The following LRRC66 variants were observed in gnomAD, a reference collection of about 807,000 sequenced individuals.
LRRC66 encodes leucine-rich repeat-containing protein 66.
A neutral mutation model predicts 24.6 loss-of-function variants in LRRC66; 29 were observed. That is an observed-to-expected ratio of 1.18 (90% confidence interval 0.88 to 1.61). The LOEUF is 1.61. Ranked by LOEUF, LRRC66 falls within the 40% of genes most tolerant of loss-of-function variation. LRRC66 has a pLI of 0.00. For synonymous variants in LRRC66, 411 were observed against 397.6 expected, an observed-to-expected ratio of 1.03 and a Z score of -0.40; for missense variants, 1,124 against 1,058.0, an observed-to-expected ratio of 1.06 and a Z score of -0.87.
chr4:52,000,390 C>A (rs1736421418), intron 3 of LRRC66, among the ~76,000 whole-genome samples: 3 of 152,204 alleles, frequency 2.0e-5, no homozygotes, highest in Admixed American at 2.0e-4. Context: ...ACCTTTTCAT[C>A]TGTCCTCATG....
At chr4:52,010,127 G>C (rs965383977) in intron 2 of LRRC66, among the ~76,000 whole-genome samples, 2 of 152,078 alleles carry the variant, frequency 1.3e-5, no homozygotes, top group African/African-American at 4.8e-5. Context: ...GGCAAACTGG[G>C]AATAGAGAGA....
intron 2 of LRRC66, among the ~76,000 whole-genome samples, chr4:52,008,122 G>T (rs1408314068): frequency 6.6e-6 from 1 of 152,174 alleles, no homozygotes; most frequent in Non-Finnish European, 1.5e-5. Flanking sequence ...CTGCTAGGAT[G>T]AAGATGAGGA....
In LRRC66 at chr4:51,994,221, A is replaced by T; in HGVS notation, c.*158T>A. ...TAACCCTTCTAGAATCATCGCCCTC[A>T]AGTGGGCCCACAAAACCCTCATTTG... On this transcript the variant is annotated 3_prime_UTR_variant, in exon 5 of 5. Transcript: ENST00000682860. 2 of 671,620 alleles carry T rather than the reference A, an allele frequency of 3.0e-6. No homozygotes were observed. Among genetic ancestry groups the T allele is most frequent in the Non-Finnish European group, 4.9e-6 (2 of 404,764 alleles). The allele number at this position is 671,620 out of a possible 1,614,324, so 41.6% of individuals were successfully genotyped here. A position where few individuals can be genotyped will look rare whatever the true frequency, so the allele number is the denominator to read the frequency against.
intron 3 of LRRC66, among the ~76,000 whole-genome samples, chr4:51,999,458 G>A (rs1429109726): frequency 6.6e-6 from 1 of 152,118 alleles, no homozygotes; most frequent in Non-Finnish European, 1.5e-5. Flanking sequence ...ACTCTCAAAG[G>A]AAGGTTGCCA....
At chr4:52,001,270 G>A (rs1736442072) in intron 3 of LRRC66, among the ~76,000 whole-genome samples, 1 of 152,170 alleles carries the variant, frequency 6.6e-6, no homozygotes, top group African/African-American at 2.4e-5. Flanking sequence ...CCCAGGGAAG[G>A]AATCCTTGAG....
At chr4:51,998,134 T>A (rs1736366750) in intron 3 of LRRC66, among the ~76,000 whole-genome samples, 197 bp from the exon 4 acceptor site, 1 of 152,234 alleles carries the variant, frequency 6.6e-6, no homozygotes, top group Admixed American at 6.5e-5. Flanking sequence ...GATAAATTGT[T>A]CACTTTCTAT....
intron 2 of LRRC66, among the ~76,000 whole-genome samples, chr4:52,014,188 G>A (rs2110202804): frequency 6.6e-6 from 1 of 152,310 alleles, no homozygotes; most frequent in South Asian, 2.1e-4. Context: ...GGAGGCGGAG[G>A]TTGCGGGGAG....
rs886702260 is a variant in LRRC66, at chr4:51,994,839, G to A, written c.2183C>T (p.Ala728Val). ...SESARSKTEEAVPDEESLQDE... is the reference protein window; with the variant it reads ...SESARSKTEEVVPDEESLQDE... ...CTGCAGGGACTCCTCATCAGGCACTGCCTCTTCAGTCTTGCTCCTTGCACT... is the reference window on the plus strand; with the variant it reads ...CTGCAGGGACTCCTCATCAGGCACTACCTCTTCAGTCTTGCTCCTTGCACT... The change falls in exon 5 of 5, where the codon GCA (alanine) becomes GTA (valine). Residue 728 changes from alanine (A) to valine (V), a missense_variant. Physicochemically the swap from Ala to Val is moderately conservative, Grantham distance 64 (BLOSUM62 0). Coordinates refer to ENST00000682860, the MANE Select transcript of LRRC66 (RefSeq NM_001024611.3). 6.2e-7 allele frequency: 1 copy of A among 1,614,070 alleles called. No homozygotes were observed. Among genetic ancestry groups the A allele is most frequent in the African/African-American group, 1.3e-5 (1 of 74,932 alleles).
chr4:52,003,123 G>A, intron 3 of LRRC66, 100 bp downstream of exon 3: 1 of 888,576 alleles, frequency 1.1e-6, no homozygotes, highest in Non-Finnish European at 1.7e-6. Flanking sequence ...TTAATAGCCA[G>A]TACTACTGGA....
rs375558427 is a variant in LRRC66 at position 51,998,076 on chromosome 4, AG to A, written c.667-140del. The A allele has an allele frequency of 2.1e-5, 15 of 731,584 alleles. No individual in the cohort carries two copies. The African/African-American group carries it at 2.7e-4, about 13-fold the overall frequency. The allele number at this position is 731,584 out of a possible 1,614,324, so 45.3% of individuals were successfully genotyped here. A position where few individuals can be genotyped will look rare whatever the true frequency, so the allele number is the denominator to read the frequency against. On this transcript the variant is annotated intron_variant, in intron 3 of 4. Coordinates refer to ENST00000682860, the MANE Select transcript of LRRC66 (RefSeq NM_001024611.3). ...ACACTGGTTTACAAGTCAGGGAATTAGTGGGGTTTTAAGTCTCTGTTCTACC... is the reference window on the plus strand; with the variant it reads ...ACACTGGTTTACAAGTCAGGGAATTATGGGGTTTTAAGTCTCTGTTCTACC...
At chr4:52,006,959 C>A (rs970601191) in intron 2 of LRRC66, among the ~76,000 whole-genome samples, 1 of 152,070 alleles carries the variant, frequency 6.6e-6, no homozygotes, top group Non-Finnish European at 1.5e-5. Context: ...AAACCTAGAT[C>A]TCTTAATCAT....
intron 1 of LRRC66, chr4:52,018,012 C>T: frequency 2.0e-6 from 2 of 985,412 alleles, no homozygotes; most frequent in Non-Finnish European, 2.4e-6. Flanking sequence ...TTATGCTTAT[C>T]TACAACATAG....
rs765099185 is a variant in LRRC66, at chr4:51,995,554, G to C, written c.1468C>G (p.Gln490Glu). The change falls in exon 5 of 5, where the codon CAG becomes GAG. Residue 490 changes from glutamine (Q) to glutamate (E), a missense_variant. Transcript: ENST00000682860. ...CCTGCCCCGGTGTTGTCCCCGCACTGTCCTGGGCTCTGCGAACTGCCAGGA... is the reference window on the plus strand; with the variant it reads ...CCTGCCCCGGTGTTGTCCCCGCACTCTCCTGGGCTCTGCGAACTGCCAGGA... ...KDPGSSQSPG[Q>E]CGDNTGAGSG... 1 of 1,614,188 alleles carries C rather than the reference G, an allele frequency of 6.2e-7. No individual in the cohort carries two copies. The highest frequency in any genetic ancestry group is 1.1e-5 in the South Asian group (1 of 91,070).
intron 4 of LRRC66, among the ~76,000 whole-genome samples, 177 bp from the exon 5 acceptor site, chr4:51,996,342 G>C (rs906401508): frequency 1.3e-5 from 2 of 152,074 alleles, no homozygotes; most frequent in African/African-American, 4.8e-5. Flanking sequence ...AGACTCCTGG[G>C]CTCAAGTGAT....
chr4:52,018,855 G>T (rs1736878850), intron 1 of LRRC66, among the ~76,000 whole-genome samples: 1 of 152,138 alleles, frequency 6.6e-6, no homozygotes, highest in Non-Finnish European at 1.5e-5. Context: ...TTCATTCCCA[G>T]TTCCAAGTTC....
chr4:52,009,768 A>C (rs976094911), intron 2 of LRRC66, among the ~76,000 whole-genome samples: 1 of 152,204 alleles, frequency 6.6e-6, no homozygotes, highest in African/African-American at 2.4e-5. Context: ...CATTTATGGA[A>C]GAAACAAAGC....
chr4:51,997,839 GTTA>G lies in LRRC66; in HGVS notation c.762_764del (p.Asn255del), dbSNP rs1216824551. 1 of 1,614,044 alleles carries G rather than the reference GTTA, an allele frequency of 6.2e-7. No individual in the cohort carries two copies. Among genetic ancestry groups the G allele is most frequent in the South Asian group, 1.1e-5 (1 of 91,072 alleles). On this transcript the variant is annotated inframe_deletion, in exon 4 of 5. Coordinates refer to ENST00000682860, the MANE Select transcript of LRRC66 (RefSeq NM_001024611.3). ...CTGCCACACTATCATCACACTGCCA[GTTA>G]TTATCAGCCAAGTCAACCACTAGAT...
intron 2 of LRRC66, among the ~76,000 whole-genome samples, chr4:52,013,329 C>T (rs534946728): frequency 6.6e-6 from 1 of 152,232 alleles, no homozygotes; most frequent in Non-Finnish European, 1.5e-5. Flanking sequence ...TTATTTCTAA[C>T]ACATTTACCT....
chr4:52,005,939 A>C (rs936347682), intron 2 of LRRC66, among the ~76,000 whole-genome samples: 4 of 152,252 alleles, frequency 2.6e-5, no homozygotes, highest in Non-Finnish European at 4.4e-5. Context: ...ATATTCCTAC[A>C]TCTTTTAATA....
Sources: gnomAD v4.1 joint callset for allele counts (sites outside exome capture counted in the v4.1 genomes callset) on GRCh38, gnomAD v4.1.1 for gene constraint, MANE v1.5 for transcripts, NCBI Gene and HGNC (gene_info 2026-07-23, HGNC 2026-07-21) for gene names.